Variants in NCAM1 observed in about 807,000 individuals in gnomAD.
NCAM1 encodes antigen recognized by monoclonal antibody 5.1H11.
NCAM1 carries 14 observed loss-of-function variants against 109.8 expected under a neutral mutation model. The observed-to-expected ratio is 0.13, with a 90% CI of 0.08 to 0.20. The LOEUF is 0.20. Among genes scored for constraint, NCAM1 ranks in the 10% least tolerant of loss-of-function variants. The pLI, the probability that NCAM1 is intolerant of heterozygous loss-of-function variation, is 1.00. For missense variants in NCAM1, 774 were observed against 1,109.9 expected (o/e 0.70, Z 4.30); for synonymous variants, 418 against 442.9 (o/e 0.94, Z 0.70).
In NCAM1 at chr11:113,278,110, T is replaced by TG. The variant is rs1555127062; in HGVS notation, c.*2725dup. On this transcript the variant is annotated 3_prime_UTR_variant, in exon 20 of 20. Transcript: ENST00000316851. The stretch of plus-strand genomic sequence containing the variant: ...ACTCAAGTGTGACGAGCAGGGCCAC[T>TG]GGACCCTGCAGGGCTGTGGTGTATA... 1 of 152,206 alleles carries TG rather than the reference T, an allele frequency of 6.6e-6. No homozygotes were observed. Among genetic ancestry groups the TG allele is most frequent in the African/African-American group, 2.4e-5 (1 of 41,430 alleles). 9.4% of individuals were successfully genotyped at this position (152,206 alleles called of 1,614,324 possible). A position where few individuals can be genotyped will look rare whatever the true frequency, so the allele number is the denominator to read the frequency against.
chr11:113,101,179 G>A (rs2135862527), intron 1 of NCAM1, among the ~76,000 whole-genome samples: 1 of 152,242 alleles, frequency 6.6e-6, no homozygotes, highest in South Asian at 2.1e-4. Context: ...TGTGATTGCT[G>A]TCACTCTGCC....
chr11:113,209,710 T>C (rs1247347730), intron 7 of NCAM1, among the ~76,000 whole-genome samples: 2 of 152,214 alleles, frequency 1.3e-5, no homozygotes, highest in African/African-American at 2.4e-5. Flanking sequence ...ACAAGATGAA[T>C]AACATGGACT....
intron 1 of NCAM1, among the ~76,000 whole-genome samples, chr11:113,182,836 C>T (rs1369813): frequency 0.051 from 7,839 of 152,254 alleles, 379 homozygotes; most frequent in African/African-American, 0.12. Flanking sequence ...CGGCAGCCCT[C>T]GCTTTGCCCA....
chr11:113,194,955 A>G (rs1943809546), intron 1 of NCAM1, among the ~76,000 whole-genome samples: 4 of 152,330 alleles, frequency 2.6e-5, no homozygotes, highest in South Asian at 4.2e-4. Flanking sequence ...GAGGACCCCA[A>G]CTACGCTGAT....
At chr11:113,138,032 A>T (rs1300667681) in intron 1 of NCAM1, among the ~76,000 whole-genome samples, 2 of 152,142 alleles carry the variant, frequency 1.3e-5, no homozygotes, top group Admixed American at 1.3e-4. Flanking sequence ...AAAAAAAAAA[A>T]TTCTCATCTA....
chr11:113,101,762 ACAGT>A (rs782545227), intron 1 of NCAM1, among the ~76,000 whole-genome samples: 13 of 152,162 alleles, frequency 8.5e-5, no homozygotes, highest in East Asian at 3.8e-4. Context: ...TTTAATCCAA[ACAGT>A]CAGGCTTTGC....
intron 9 of NCAM1, 130 bp from the exon 10 acceptor site, chr11:113,231,515 G>A: frequency 3.0e-6 from 3 of 1,011,554 alleles, no homozygotes; most frequent in Non-Finnish European, 1.4e-6. Flanking sequence ...GACACAGAGA[G>A]GAGAGAGGAA....
At chr11:113,257,155 G>A (rs1555122486) in intron 16 of NCAM1, among the ~76,000 whole-genome samples, 1 of 152,196 alleles carries the variant, frequency 6.6e-6, no homozygotes, top group East Asian at 1.9e-4. Flanking sequence ...TGAATGAGAG[G>A]TCCCCATGGC....
intron 17 of NCAM1, chr11:113,262,808 C>T: frequency 1.2e-6 from 2 of 1,609,062 alleles, no homozygotes; most frequent in Non-Finnish European, 1.7e-6. Flanking sequence ...TTTAAACAAC[C>T]ACATTATCTC....
intron 1 of NCAM1, among the ~76,000 whole-genome samples, chr11:113,119,311 A>C (rs566231056): frequency 6.6e-6 from 1 of 152,342 alleles, no homozygotes; most frequent in South Asian, 2.1e-4. Flanking sequence ...TGTCTGGAAC[A>C]ATAGCCGATG....
rs782768805 is a variant in NCAM1, at chr11:113,270,235, A to G, written c.2179A>G (p.Ile727Val). 2 of 1,613,896 alleles carry G rather than the reference A, an allele frequency of 1.2e-6. No individual in the cohort carries two copies. Among genetic ancestry groups the G allele is most frequent in the Non-Finnish European group, 1.7e-6 (2 of 1,179,902 alleles). Residue 727 changes from isoleucine (I) to valine (V), a missense_variant, in exon 18 of 20, where the codon ATC (isoleucine) becomes GTC (valine). Physicochemically the swap from Ile to Val is conservative, Grantham distance 29. Around this residue, in one of 4 missense-constraint regions of NCAM1, gnomAD observed 523 missense variants for 784.2 expected, o/e 0.67. Coordinates refer to ENST00000316851, the MANE Select transcript of NCAM1 (RefSeq NM_181351.5). ...SGLSTGAIVG[I>V]LIVIFVLLLV... ...CCTGAGCACCGGGGCCATCGTGGGC[A>G]TCCTCATCGTCATCTTCGTCCTGCT... is the stretch of plus-strand genomic sequence containing the variant.
chr11:112,964,817 A>C (rs1950688024), intron 1 of NCAM1, among the ~76,000 whole-genome samples: 1 of 152,216 alleles, frequency 6.6e-6, no homozygotes, highest in Admixed American at 6.5e-5. Context: ...AGAAATATTA[A>C]TAACTGATAA....
At chr11:112,981,993 A>G (rs1455153701) in intron 1 of NCAM1, among the ~76,000 whole-genome samples, 1 of 151,926 alleles carries the variant, frequency 6.6e-6, no homozygotes, top group Non-Finnish European at 1.5e-5. Flanking sequence ...CAGACAGCTT[A>G]TTTTATGATA....
intron 1 of NCAM1, among the ~76,000 whole-genome samples, chr11:113,057,892 T>G (rs973781526): frequency 2.0e-5 from 3 of 152,212 alleles, no homozygotes; most frequent in Non-Finnish European, 2.9e-5. Context: ...CCCCACTTTA[T>G]GGCCTGGCAG....
chr11:113,187,236 T>C (rs1347866061), intron 1 of NCAM1, among the ~76,000 whole-genome samples: 2 of 152,216 alleles, frequency 1.3e-5, no homozygotes, highest in South Asian at 2.1e-4. Context: ...CTTTGGTCTC[T>C]GGGTCAGTCT....
intron 1 of NCAM1, among the ~76,000 whole-genome samples, chr11:113,116,258 A>G (rs1306932132): frequency 1.3e-5 from 2 of 152,234 alleles, no homozygotes; most frequent in Admixed American, 6.5e-5. Context: ...TTGCTTGAGT[A>G]CTATCTATTT....
At chr11:113,056,016 T>TATAA (rs1175073865) in intron 1 of NCAM1, among the ~76,000 whole-genome samples, 2 of 112,686 alleles carry the variant, frequency 1.8e-5, no homozygotes, top group East Asian at 6.3e-4. Context: ...TATATATATA[T>TATAA]ATATATATAA....
intron 14 of NCAM1, among the ~76,000 whole-genome samples, chr11:113,243,354 C>T (rs1163849114): frequency 1.3e-5 from 2 of 152,180 alleles, no homozygotes; most frequent in Non-Finnish European, 2.9e-5. Context: ...TTTGTCTCCG[C>T]GTACGCAGAG....
chr11:113,132,105 C>T (rs1012539616), intron 1 of NCAM1, among the ~76,000 whole-genome samples: 3 of 152,220 alleles, frequency 2.0e-5, no homozygotes, highest in Non-Finnish European at 4.4e-5. Flanking sequence ...CATGACTTTG[C>T]AGTCCTCTGT....
Sources: allele counts gnomAD v4.1 joint callset (sites outside exome capture counted in the v4.1 genomes callset), GRCh38; gene constraint gnomAD v4.1.1; regional missense constraint gnomAD v4.1.1; transcripts MANE v1.5; gene names NCBI Gene and HGNC (gene_info 2026-07-23, HGNC 2026-07-21).